Variants in NTM observed in about 807,000 individuals in gnomAD.
The protein encoded by NTM is neurotrimin.
NTM carries 13 observed loss-of-function variants against 42.1 expected under a neutral mutation model. That is an observed-to-expected ratio of 0.31 (90% confidence interval 0.20 to 0.49). The LOEUF is 0.49. Ranked by LOEUF, NTM falls within the 20% of genes least tolerant of loss-of-function variation. The pLI, the probability that NTM is intolerant of heterozygous loss-of-function variation, is 0.99. For synonymous variants in NTM, 187 were observed against 179.2 expected, an observed-to-expected ratio of 1.04 and a Z score of -0.35; for missense variants, 373 against 452.8, an observed-to-expected ratio of 0.82 and a Z score of 1.60.
At chr11:132,282,494 T>G (rs1030608119) in intron 4 of NTM, among the ~76,000 whole-genome samples, 1 of 152,176 alleles carries the variant, frequency 6.6e-6, no homozygotes, top group Non-Finnish European at 1.5e-5. Context: ...CCTCCTCAAA[T>G]AGCAGATTTT....
At chr11:131,752,547 C>T (rs2082699634) in intron 1 of NTM, among the ~76,000 whole-genome samples, 1 of 152,044 alleles carries the variant, frequency 6.6e-6, no homozygotes, top group Admixed American at 6.6e-5. Context: ...GGGTATATAC[C>T]CAAAGGATTA....
At chr11:131,833,919 GA>G (rs1281852211) in intron 1 of NTM, among the ~76,000 whole-genome samples, 5 of 152,002 alleles carry the variant, frequency 3.3e-5, no homozygotes, top group African/African-American at 1.2e-4. Context: ...TTTTTTCTTA[GA>G]AGTTTTATAA....
chr11:131,881,082 G>A (rs563233923), intron 1 of NTM, among the ~76,000 whole-genome samples: 1 of 152,218 alleles, frequency 6.6e-6, no homozygotes, highest in East Asian at 1.9e-4. Flanking sequence ...TTCCCCCATG[G>A]TCTGCTTTCC....
chr11:131,548,439 T>C (rs879462333), intron 1 of NTM, among the ~76,000 whole-genome samples: 1 of 152,060 alleles, frequency 6.6e-6, no homozygotes, highest in Non-Finnish European at 1.5e-5. Context: ...CCTGATCATC[T>C]TTTTTTTATA....
intron 2 of NTM, among the ~76,000 whole-genome samples, chr11:131,933,984 G>C (rs763695040): frequency 6.6e-6 from 1 of 152,142 alleles, no homozygotes; most frequent in Non-Finnish European, 1.5e-5. Context: ...GAGATGCAGA[G>C]ACGTGGAGGA....
At position 131,518,922 on chromosome 11, in the gene NTM, A is replaced by G. The variant is rs7102240; in HGVS notation, c.82+148034A>G. Among the ~76,000 whole-genome samples the G allele has an allele frequency of 4.6e-3, 700 of 152,370 alleles. 6 individuals are homozygous for G. The highest frequency in any genetic ancestry group is 0.015 in the African/African-American group (643 of 41,588). ...CATTTTCCAAAGCCTATTTCAGGGC[A>G]TCTCAGATACAGCATCCCACAAATG... On this transcript the variant is annotated intron_variant, in intron 1 of 8. Coordinates refer to ENST00000683400, the MANE Select transcript of NTM (RefSeq NM_001352005.2).
chr11:131,838,117 T>C (rs1010814441), intron 1 of NTM, among the ~76,000 whole-genome samples: 1 of 152,186 alleles, frequency 6.6e-6, no homozygotes, highest in Non-Finnish European at 1.5e-5. Flanking sequence ...TTTTCACAGT[T>C]ATTTATTTAT....
At chr11:132,222,924 A>G (rs1046065318) in intron 4 of NTM, among the ~76,000 whole-genome samples, 1 of 151,966 alleles carries the variant, frequency 6.6e-6, no homozygotes, top group Non-Finnish European at 1.5e-5. Context: ...TCCTTTCATC[A>G]CTGCCTTGCC....
At chr11:132,133,122 T>G (rs2067136733) in intron 2 of NTM, among the ~76,000 whole-genome samples, 1 of 152,220 alleles carries the variant, frequency 6.6e-6, no homozygotes, top group Non-Finnish European at 1.5e-5. Flanking sequence ...ACTTAACCTC[T>G]GTAGGTTCCT....
rs564639991 is a variant in NTM, at chr11:131,820,538, A to T, written c.83-91026A>T. ...GAACATTAGTGTATCTACTACCTAG[A>T]TTAATTTTTTTAAATGGGGCCAAGG... On this transcript the variant is annotated intron_variant, in intron 1 of 8. Coordinates refer to ENST00000683400, the MANE Select transcript of NTM (RefSeq NM_001352005.2). 7.2e-5 allele frequency among the ~76,000 whole-genome samples: 11 copies of T among 152,332 alleles called. No individual in the cohort carries two copies. In the South Asian group the frequency reaches 2.3e-3, roughly 32 times the overall value.
At chr11:132,180,955 C>A (rs528515957) in intron 3 of NTM, among the ~76,000 whole-genome samples, 189 of 152,230 alleles carry the variant, frequency 1.2e-3, no homozygotes, top group Non-Finnish European at 1.9e-3. Flanking sequence ...AGTTCATCAT[C>A]ATGTATGTAA....
intron 1 of NTM, among the ~76,000 whole-genome samples, chr11:131,371,653 G>A (rs1198988655): frequency 6.6e-6 from 1 of 152,192 alleles, no homozygotes; most frequent in African/African-American, 2.4e-5. Flanking sequence ...CCAGTGCTGT[G>A]TTCTGTGCAT....
chr11:131,471,010 G>A (rs1453574100), intron 1 of NTM, among the ~76,000 whole-genome samples: 2 of 152,136 alleles, frequency 1.3e-5, no homozygotes, highest in African/African-American at 4.8e-5. Flanking sequence ...AAACCTTCCT[G>A]CCATACATTT....
chr11:131,539,767 G>A (rs1049010517), intron 1 of NTM, among the ~76,000 whole-genome samples: 6 of 152,184 alleles, frequency 3.9e-5, no homozygotes, highest in African/African-American at 1.4e-4. Flanking sequence ...GCATGGGAGT[G>A]GAGGTGAGAC....
intron 2 of NTM, among the ~76,000 whole-genome samples, chr11:131,968,079 C>T (rs2063065152): frequency 6.6e-6 from 1 of 152,134 alleles, no homozygotes. Flanking sequence ...AGTGTTTTAC[C>T]AACAAGAATG....
intron 1 of NTM, among the ~76,000 whole-genome samples, chr11:131,510,239 C>T (rs573992180): frequency 5.9e-5 from 9 of 152,344 alleles, no homozygotes; most frequent in Non-Finnish European, 7.3e-5. Context: ...CGCATCCCTC[C>T]GCCTGCCTTG....
At chr11:131,404,790 G>A (rs1168818769) in intron 1 of NTM, among the ~76,000 whole-genome samples, 1 of 152,162 alleles carries the variant, frequency 6.6e-6, no homozygotes, top group East Asian at 1.9e-4. Flanking sequence ...CCTTCATTGA[G>A]TGATAGGCAT....
chr11:131,507,105 T>C (rs796973764), intron 1 of NTM, among the ~76,000 whole-genome samples: 41 of 152,310 alleles, frequency 2.7e-4, no homozygotes, highest in African/African-American at 9.6e-4. Context: ...TCAGAAGGAT[T>C]GAAGGGCAAG....
At chr11:131,549,018 G>A (rs187960334) in intron 1 of NTM, among the ~76,000 whole-genome samples, 1 of 152,172 alleles carries the variant, frequency 6.6e-6, no homozygotes, top group African/African-American at 2.4e-5. Context: ...TATGCCATCA[G>A]TAAAAGTAGG....
Sources: allele counts gnomAD v4.1 joint callset (sites outside exome capture counted in the v4.1 genomes callset), GRCh38; gene constraint gnomAD v4.1.1; transcripts MANE v1.5; gene names NCBI Gene and HGNC (gene_info 2026-07-23, HGNC 2026-07-21).